Variants in PDGFC observed in about 807,000 individuals in gnomAD.
PDGFC encodes the protein platelet-derived growth factor C.
In PDGFC, 12 loss-of-function variants were observed where a neutral mutation model predicts 35.5. That is an observed-to-expected ratio of 0.34 (90% confidence interval 0.22 to 0.55). The LOEUF is 0.55. Among genes scored for constraint, PDGFC ranks in the 20% least tolerant of loss-of-function variants. The pLI, the probability that PDGFC is intolerant of heterozygous loss-of-function variation, is 0.91. For missense variants in PDGFC, 322 were observed against 412.4 expected (o/e 0.78, Z 1.90); for synonymous variants, 159 against 148.8 (o/e 1.07, Z -0.50).
intron 1 of PDGFC, among the ~76,000 whole-genome samples, chr4:156,887,016 G>C (rs1342008319): frequency 3.3e-5 from 5 of 152,140 alleles, no homozygotes; most frequent in South Asian, 2.1e-4. Flanking sequence ...TATTTTATTA[G>C]AATTTTTGTA....
chr4:156,853,070 G>T (rs898367100), intron 1 of PDGFC, among the ~76,000 whole-genome samples: 3 of 152,138 alleles, frequency 2.0e-5, no homozygotes, highest in African/African-American at 7.2e-5. Context: ...AGTTGATAAA[G>T]GATATTTTAA....
intron 1 of PDGFC, among the ~76,000 whole-genome samples, chr4:156,891,767 A>T (rs187472412): frequency 2.4e-4 from 36 of 152,362 alleles, no homozygotes; most frequent in Admixed American, 4.6e-4. Flanking sequence ...GTCCTAAGAC[A>T]TAGTGGTGAC....
intron 2 of PDGFC, among the ~76,000 whole-genome samples, chr4:156,829,321 G>C (rs1268800360): frequency 6.6e-6 from 1 of 152,154 alleles, no homozygotes; most frequent in African/African-American, 2.4e-5. Flanking sequence ...CACATAAAGG[G>C]AAGCAGCATT....
In PDGFC at chr4:156,951,097, T is replaced by G. The variant is rs371692800; in HGVS notation, c.118+19689A>C. Among the ~76,000 whole-genome samples the G allele has an allele frequency of 5.9e-5, 9 of 151,968 alleles. No homozygotes were observed. In the South Asian group the frequency reaches 1.0e-3, roughly 17 times the overall value. Reference sequence around the variant, plus strand: ...TTCTCTTCATTCACTAAACAAATAATGTTAAGAGTACCTACTGCCTGCCAG... The same window carrying G: ...TTCTCTTCATTCACTAAACAAATAAGGTTAAGAGTACCTACTGCCTGCCAG... On this transcript the variant is annotated intron_variant, in intron 1 of 5. Transcript: ENST00000502773.
At chr4:156,939,324 ATG>A (rs1468816226) in intron 1 of PDGFC, among the ~76,000 whole-genome samples, 1 of 152,090 alleles carries the variant, frequency 6.6e-6, no homozygotes, top group Non-Finnish European at 1.5e-5. Flanking sequence ...ATCATGAACA[ATG>A]TGAATTCACT....
intron 2 of PDGFC, among the ~76,000 whole-genome samples, chr4:156,822,825 G>T (rs910340820): frequency 2.6e-5 from 4 of 151,814 alleles, no homozygotes; most frequent in African/African-American, 9.7e-5. Flanking sequence ...GCCATGGTGC[G>T]ATCTCGGCTC....
chr4:156,793,436 A>C (rs546094004), intron 3 of PDGFC, among the ~76,000 whole-genome samples: 34 of 151,240 alleles, frequency 2.2e-4, no homozygotes, highest in African/African-American at 8.0e-4. Context: ...TGGAGTTGTG[A>C]AATCAATTTA....
chr4:156,880,088 A>G (rs1730206258), intron 1 of PDGFC, among the ~76,000 whole-genome samples: 1 of 152,220 alleles, frequency 6.6e-6, no homozygotes, highest in Non-Finnish European at 1.5e-5. Flanking sequence ...TATCCAGAAG[A>G]TAAGCTAAGC....
At chr4:156,863,735 C>T (rs1359324749) in intron 1 of PDGFC, among the ~76,000 whole-genome samples, 1 of 151,984 alleles carries the variant, frequency 6.6e-6, no homozygotes, top group South Asian at 2.1e-4. Flanking sequence ...ATACCGTTCC[C>T]GAATTTGATA....
In PDGFC at chr4:156,787,869, GA is replaced by G. The variant is rs1014088403; in HGVS notation, c.496-14977del. On this transcript the variant is annotated intron_variant, in intron 3 of 5. Transcript: ENST00000502773. ...TTGCTTGTAATCTCCTTGTGACAGA[GA>G]AAAAAAATTACCATCTAAGAGTGAG... is the stretch of plus-strand genomic sequence containing the variant. 1.8e-4 allele frequency among the ~76,000 whole-genome samples: 28 copies of G among 151,924 alleles called. 1 individual carries two copies. The highest frequency in any genetic ancestry group is 1.4e-3 in the Admixed American group (21 of 15,260).
At chr4:156,797,681 G>C (rs1731483075) in intron 3 of PDGFC, among the ~76,000 whole-genome samples, 1 of 152,172 alleles carries the variant, frequency 6.6e-6, no homozygotes, top group Non-Finnish European at 1.5e-5. Flanking sequence ...TTCCAAGTTT[G>C]TGTTAGACGG....
chr4:156,805,023 ATT>A, intron 3 of PDGFC, among the ~76,000 whole-genome samples: 1 of 152,016 alleles, frequency 6.6e-6, no homozygotes. Context: ...CATCTGTGAA[ATT>A]TTTTCTTAGC....
chr4:156,825,605 G>C (rs866111861), intron 2 of PDGFC, among the ~76,000 whole-genome samples: 1 of 118,696 alleles, frequency 8.4e-6, no homozygotes, highest in Non-Finnish European at 1.8e-5. Flanking sequence ...AGAAGAAGAA[G>C]AAGAAGAAGA....
intron 2 of PDGFC, among the ~76,000 whole-genome samples, chr4:156,833,812 T>C (rs536384779): frequency 5.3e-5 from 8 of 152,164 alleles, no homozygotes; most frequent in African/African-American, 1.2e-4. Flanking sequence ...CCTTGTAAAA[T>C]AGGGAATAAT....
At chr4:156,850,680 A>T (rs1461931227) in intron 1 of PDGFC, among the ~76,000 whole-genome samples, 1 of 152,158 alleles carries the variant, frequency 6.6e-6, no homozygotes, top group Non-Finnish European at 1.5e-5. Context: ...CGTCAACTAC[A>T]AACTCTTTTG....
chr4:156,951,694 G>A (rs1732085972), intron 1 of PDGFC, among the ~76,000 whole-genome samples: 1 of 147,456 alleles, frequency 6.8e-6, no homozygotes, highest in African/African-American at 2.5e-5. Flanking sequence ...TCTTAATTTA[G>A]CTAAAATCTG....
chr4:156,935,421 G>A (rs1329306702), intron 1 of PDGFC, among the ~76,000 whole-genome samples: 1 of 152,170 alleles, frequency 6.6e-6, no homozygotes, highest in African/African-American at 2.4e-5. Context: ...TATACATAAT[G>A]TTATGTCCTA....
At chr4:156,764,133 T>C (rs1279454197) in intron 5 of PDGFC, among the ~76,000 whole-genome samples, 2 of 152,202 alleles carry the variant, frequency 1.3e-5, no homozygotes, top group South Asian at 2.1e-4. Flanking sequence ...TTTTCTAGCA[T>C]CTCTACTTTT....
chr4:156,803,784 G>A (rs1294659382), intron 3 of PDGFC, among the ~76,000 whole-genome samples: 1 of 152,098 alleles, frequency 6.6e-6, no homozygotes, highest in East Asian at 1.9e-4. Flanking sequence ...AATATTTCTT[G>A]ACAACTGGAA....
Sources: allele counts gnomAD v4.1 joint callset (sites outside exome capture counted in the v4.1 genomes callset), GRCh38; gene constraint gnomAD v4.1.1; transcripts MANE v1.5; gene names NCBI Gene and HGNC (gene_info 2026-07-23, HGNC 2026-07-21).